RBFOX1: variants seen among roughly 807,000 people sequenced by gnomAD.
RBFOX1 encodes RNA binding protein fox-1 homolog 1.
RBFOX1 carries 8 observed loss-of-function variants against 57.7 expected under a neutral mutation model. The ratio of observed to expected loss-of-function variants is 0.14; its 90% CI spans 0.08 to 0.25. The LOEUF (loss-of-function observed/expected upper bound fraction) is 0.25. Ranked by LOEUF, RBFOX1 falls within the 10% of genes least tolerant of loss-of-function variation. The probability of loss-of-function intolerance (pLI) is 1.00; values close to 1 mark genes in which losing one functional copy is unlikely to be tolerated. For synonymous variants in RBFOX1, 326 were observed against 222.4 expected (o/e 1.47, Z -4.15); for missense variants, 611 against 548.5 (o/e 1.11, Z -1.14).
At chr16:6,984,023 A>C (rs1427747765) in intron 3 of RBFOX1, among the ~76,000 whole-genome samples, 1 of 152,134 alleles carries the variant, frequency 6.6e-6, no homozygotes, top group Non-Finnish European at 1.5e-5. Context: ...CAAGGTGGGC[A>C]GATCACCTGA....
chr16:5,466,459 T>C (rs1044028852), intron 1 of RBFOX1, among the ~76,000 whole-genome samples: 2 of 151,870 alleles, frequency 1.3e-5, no homozygotes, highest in African/African-American at 4.8e-5. Flanking sequence ...GCAGAGGGGG[T>C]ATTTCAACTC....
At chr16:7,199,627 C>G (rs894958550) in intron 4 of RBFOX1, among the ~76,000 whole-genome samples, 5 of 152,204 alleles carry the variant, frequency 3.3e-5, no homozygotes, top group African/African-American at 9.7e-5. Context: ...AGTGCAGTAG[C>G]TCACGCCTGT....
intron 4 of RBFOX1, among the ~76,000 whole-genome samples, chr16:7,277,733 C>G (rs1228408375): frequency 6.6e-6 from 1 of 151,920 alleles, no homozygotes. Flanking sequence ...ACAGAATGGT[C>G]AAGATATTTA....
chr16:6,790,294 C>A (rs987497397), intron 3 of RBFOX1, among the ~76,000 whole-genome samples: 5 of 151,780 alleles, frequency 3.3e-5, no homozygotes, highest in African/African-American at 1.2e-4. Flanking sequence ...CAGCCATTCT[C>A]CTGCCTCAGC....
At chr16:6,034,157 A>G (rs781571598) in intron 1 of RBFOX1, among the ~76,000 whole-genome samples, 3 of 151,778 alleles carry the variant, frequency 2.0e-5, no homozygotes, top group African/African-American at 7.3e-5. Context: ...CAACTTAGTG[A>G]AACCATGTCT....
chr16:7,301,032 T>C lies in RBFOX1; in HGVS notation c.28-217115T>C, dbSNP rs1888052022. Among the ~76,000 whole-genome samples, 4 of 115,362 alleles carry C rather than the reference T, an allele frequency of 3.5e-5. No homozygotes were observed. In the South Asian group the frequency reaches 1.2e-3, roughly 35 times the overall value. The allele number at this position is 115,362 out of a possible 152,430, so 75.7% of individuals were successfully genotyped here. A position where few individuals can be genotyped will look rare whatever the true frequency, so the allele number is the denominator to read the frequency against. On this transcript the variant is annotated intron_variant, in intron 4 of 15. Transcript: ENST00000550418. The stretch of plus-strand genomic sequence containing the variant: ...TCTCCCATTTATTGATGTTGGAGAA[T>C]CATGCCAGAGCTAGTGGCCTTGATA...
At position 5,651,598 on chromosome 16, in the gene RBFOX1, G is replaced by A. The variant is rs141103098; in HGVS notation, c.318+52637G>A. On this transcript the variant is annotated intron_variant, in intron 3 of 19. Transcript: ENST00000641259. Reference sequence around the variant, plus strand: ...ATGAGCACCCCGTCCTGTCCTGTGTGTGACCTTGTCAGTCACCACCTTTCC... The same window carrying A: ...ATGAGCACCCCGTCCTGTCCTGTGTATGACCTTGTCAGTCACCACCTTTCC... Among the ~76,000 whole-genome samples, 524 of 152,240 alleles carry A rather than the reference G, an allele frequency of 3.4e-3. 3 individuals are homozygous for A. Among genetic ancestry groups the A allele is most frequent in the African/African-American group, 0.011 (477 of 41,532 alleles).
At chr16:5,288,232 T>G (rs1447921234) in intron 1 of RBFOX1, among the ~76,000 whole-genome samples, 1 of 152,216 alleles carries the variant, frequency 6.6e-6, no homozygotes, top group Non-Finnish European at 1.5e-5. Context: ...GTCAGAATTG[T>G]TGAATATATA....
At chr16:7,255,977 G>A (rs2094663419) in intron 4 of RBFOX1, among the ~76,000 whole-genome samples, 1 of 152,126 alleles carries the variant, frequency 6.6e-6, no homozygotes. Flanking sequence ...GATTATGTGT[G>A]TTGGTGTTAG....
chr16:7,419,335 G>A (rs2098516611), intron 4 of RBFOX1, among the ~76,000 whole-genome samples: 1 of 152,146 alleles, frequency 6.6e-6, no homozygotes, highest in African/African-American at 2.4e-5. Flanking sequence ...ATCAAACACA[G>A]ACAGAAGCAT....
At chr16:5,701,956 T>C (rs924091559) in intron 3 of RBFOX1, among the ~76,000 whole-genome samples, 13 of 152,252 alleles carry the variant, frequency 8.5e-5, no homozygotes, top group Non-Finnish European at 1.6e-4. Flanking sequence ...GACCTCTGTC[T>C]TGTTTCCTTC....
Position 7,124,246 on chromosome 16 carries a change from C to CA in RBFOX1, c.27+72153dup, listed in dbSNP as rs146712304. 6.8e-3 allele frequency among the ~76,000 whole-genome samples: 1,038 copies of CA among 152,080 alleles called. 8 individuals are homozygous for CA. The highest frequency in any genetic ancestry group is 0.024 in the African/African-American group (998 of 41,472). ...CTCAGGAGTTGAAGACTAGCCTGGG[C>CA]AAAAATATTTTTTAAAAAATTGCCA... On this transcript the variant is annotated intron_variant, in intron 4 of 15. Coordinates refer to ENST00000550418, the MANE Select transcript of RBFOX1 (RefSeq NM_018723.4).
At chr16:7,657,181 A>T (rs1276116663) in intron 12 of RBFOX1, among the ~76,000 whole-genome samples, 1 of 152,212 alleles carries the variant, frequency 6.6e-6, no homozygotes, top group Non-Finnish European at 1.5e-5. Flanking sequence ...AGATTGAAGA[A>T]AATATCCTTT....
chr16:7,051,425 T>G (rs962557124), intron 3 of RBFOX1, among the ~76,000 whole-genome samples: 1 of 152,230 alleles, frequency 6.6e-6, no homozygotes, highest in Admixed American at 6.5e-5. Context: ...AGATAATTAA[T>G]GCATGGCATA....
At chr16:6,655,415 C>T (rs1253615863) in intron 3 of RBFOX1, among the ~76,000 whole-genome samples, 3 of 120,680 alleles carry the variant, frequency 2.5e-5, no homozygotes, top group East Asian at 4.7e-4. Flanking sequence ...AGCTCGCGCT[C>T]AATTTCCATC....
intron 3 of RBFOX1, among the ~76,000 whole-genome samples, chr16:6,864,146 G>C (rs112683143): frequency 1.3e-3 from 198 of 152,174 alleles, no homozygotes; most frequent in Non-Finnish European, 2.5e-3. Flanking sequence ...AGAAGGAGGG[G>C]TCATTTCAGG....
chr16:7,556,599 A>T (rs890526797), intron 5 of RBFOX1, among the ~76,000 whole-genome samples: 2 of 152,106 alleles, frequency 1.3e-5, no homozygotes, highest in African/African-American at 4.8e-5. Context: ...ACAGAGTTTC[A>T]TTCACCTAAG....
intron 2 of RBFOX1, among the ~76,000 whole-genome samples, chr16:6,532,649 C>T (rs1048488981): frequency 1.3e-5 from 2 of 152,148 alleles, no homozygotes; most frequent in Admixed American, 6.6e-5. Context: ...GAGATTTCTT[C>T]CTGCACATGC....
chr16:7,001,682 C>G (rs1210873927), intron 3 of RBFOX1, among the ~76,000 whole-genome samples: 1 of 152,094 alleles, frequency 6.6e-6, no homozygotes, highest in African/African-American at 2.4e-5. Context: ...GTCTCAAACT[C>G]CTGACCTGAA....
Sources: allele counts gnomAD v4.1 joint callset (sites outside exome capture counted in the v4.1 genomes callset), GRCh38; gene constraint gnomAD v4.1.1; transcripts MANE v1.5; gene names NCBI Gene and HGNC (gene_info 2026-07-23, HGNC 2026-07-21).